Variants in EPHA5 observed in about 807,000 individuals in gnomAD.
The protein encoded by EPHA5 is ephrin type-A receptor 5.
A neutral mutation model predicts 105.0 loss-of-function variants in EPHA5; 60 were observed. That is an observed-to-expected ratio of 0.57 (90% CI 0.46 to 0.71). EPHA5 has a LOEUF of 0.71. Among genes scored for constraint, EPHA5 ranks in the 30% least tolerant of loss-of-function variants. The pLI is 0.00. For synonymous variants in EPHA5, 513 were observed against 449.1 expected, an observed-to-expected ratio of 1.14 and a Z score of -1.80; for missense variants, 1,218 against 1,274.7, an observed-to-expected ratio of 0.96 and a Z score of 0.68.
intron 5 of EPHA5, among the ~76,000 whole-genome samples, chr4:65,447,115 T>C (rs1726621117): frequency 6.6e-6 from 1 of 151,544 alleles, no homozygotes; most frequent in Admixed American, 6.6e-5. Flanking sequence ...GTCTCCCAAG[T>C]AGCTAGGATC....
chr4:65,666,088 C>T (rs923908547), intron 1 of EPHA5, among the ~76,000 whole-genome samples: 27 of 152,290 alleles, frequency 1.8e-4, no homozygotes, highest in South Asian at 1.2e-3. Flanking sequence ...AAGAAAAACC[C>T]TAAAACAAAC....
intron 8 of EPHA5, among the ~76,000 whole-genome samples, chr4:65,394,421 C>T (rs570364688): frequency 1.3e-5 from 2 of 152,150 alleles, no homozygotes; most frequent in Non-Finnish European, 2.9e-5. Context: ...TTGTATACAA[C>T]AGTTTATGTT....
chr4:65,437,453 C>T (rs377132545), intron 5 of EPHA5, among the ~76,000 whole-genome samples: 98 of 152,042 alleles, frequency 6.4e-4, no homozygotes, highest in African/African-American at 2.3e-3. Flanking sequence ...TTTTAGAATA[C>T]TTCACAAATA....
At chr4:65,489,572 A>C (rs1334593421) in intron 5 of EPHA5, among the ~76,000 whole-genome samples, 1 of 152,192 alleles carries the variant, frequency 6.6e-6, no homozygotes, top group Non-Finnish European at 1.5e-5. Context: ...TTGGTGGACA[A>C]AACATGCTAG....
chr4:65,425,984 G>A (rs886394564), intron 5 of EPHA5, among the ~76,000 whole-genome samples: 1 of 152,104 alleles, frequency 6.6e-6, no homozygotes, highest in Non-Finnish European at 1.5e-5. Flanking sequence ...TTCGTAAAAT[G>A]TATAACCGCG....
intron 15 of EPHA5, 136 bp downstream of exon 15, chr4:65,335,796 A>G (rs1392650509): frequency 2.4e-6 from 2 of 842,924 alleles, no homozygotes; most frequent in Admixed American, 6.7e-5. Flanking sequence ...GCATGCAAAA[A>G]CTATATCCAA....
At chr4:65,646,694 A>G (rs1168399795) in intron 1 of EPHA5, among the ~76,000 whole-genome samples, 1 of 152,204 alleles carries the variant, frequency 6.6e-6, no homozygotes, top group East Asian at 1.9e-4. Context: ...CTGTTCATCT[A>G]TCAATGTACC....
chr4:65,470,193 G>GTT (rs200526810), intron 5 of EPHA5, among the ~76,000 whole-genome samples: 8 of 143,560 alleles, frequency 5.6e-5, no homozygotes, highest in African/African-American at 1.0e-4. Context: ...TTCTTTCTTT[G>GTT]TTTTTTTTTT....
chr4:65,585,541 T>C lies in EPHA5; in HGVS notation c.910+16100A>G, dbSNP rs573655006. 5.0e-4 allele frequency among the ~76,000 whole-genome samples: 76 copies of C among 152,008 alleles called. 1 individual carries two copies. The highest frequency in any genetic ancestry group is 1.8e-3 in the African/African-American group (73 of 41,542). The stretch of plus-strand genomic sequence containing the variant: ...GAGTTGAAACAGGATCTGTTAACTT[T>C]ATTAGTAGAAAAGCTGAAATGGCAG... On this transcript the variant is annotated intron_variant, in intron 3 of 16. Coordinates refer to ENST00000613740, the MANE Select transcript of EPHA5 (RefSeq NM_001281766.3).
intron 6 of EPHA5, among the ~76,000 whole-genome samples, chr4:65,420,153 G>C (rs1183362779): frequency 3.3e-5 from 5 of 152,054 alleles, no homozygotes; most frequent in Non-Finnish European, 7.3e-5. Flanking sequence ...TTAAGTATTT[G>C]TAACACTTTC....
chr4:65,656,454 A>G (rs1390478680), intron 1 of EPHA5, among the ~76,000 whole-genome samples: 2 of 151,160 alleles, frequency 1.3e-5, no homozygotes, highest in Non-Finnish European at 3.0e-5. Context: ...TTCCATATGC[A>G]TATTTCCACA....
At chr4:65,497,714 T>G (rs1206111171) in intron 3 of EPHA5, among the ~76,000 whole-genome samples, 2 of 152,056 alleles carry the variant, frequency 1.3e-5, no homozygotes, top group Admixed American at 6.6e-5. Context: ...GAATGCCTCT[T>G]AACTTAAACA....
chr4:65,532,671 G>GTTTTT (rs5858965), intron 3 of EPHA5, among the ~76,000 whole-genome samples: 1 of 107,660 alleles, frequency 9.3e-6, no homozygotes, highest in Non-Finnish European at 1.9e-5. Context: ...ATTGGTTACA[G>GTTTTT]TTTTTTTTTT....
At chr4:65,521,565 A>G (rs1373876661) in intron 3 of EPHA5, among the ~76,000 whole-genome samples, 1 of 151,950 alleles carries the variant, frequency 6.6e-6, no homozygotes, top group African/African-American at 2.4e-5. Context: ...AAAAGTTTTT[A>G]TTTTATAATT....
intron 8 of EPHA5, among the ~76,000 whole-genome samples, chr4:65,389,884 C>T (rs747567816): frequency 1.9e-4 from 29 of 151,902 alleles, no homozygotes; most frequent in Admixed American, 7.9e-4. Flanking sequence ...CAGAGGTTTT[C>T]CCCAATTAAT....
intron 11 of EPHA5, among the ~76,000 whole-genome samples, chr4:65,358,592 T>C (rs1028038762): frequency 6.6e-6 from 1 of 151,552 alleles, no homozygotes; most frequent in Non-Finnish European, 1.5e-5. Flanking sequence ...GTAGTAGGAA[T>C]AGGTAATGCT....
chr4:65,468,641 T>C (rs1728983767), intron 5 of EPHA5, among the ~76,000 whole-genome samples: 1 of 104,094 alleles, frequency 9.6e-6, no homozygotes, highest in Admixed American at 1.5e-4. Flanking sequence ...ATATATAACA[T>C]ATATACATAT....
chr4:65,516,497 T>A (rs187014248), intron 3 of EPHA5, among the ~76,000 whole-genome samples: 2 of 152,012 alleles, frequency 1.3e-5, no homozygotes, highest in Non-Finnish European at 2.9e-5. Flanking sequence ...GCTCCAAGTA[T>A]AAATTTATCT....
At chr4:65,369,244 T>A (rs1718222679) in intron 8 of EPHA5, among the ~76,000 whole-genome samples, 1 of 152,324 alleles carries the variant, frequency 6.6e-6, no homozygotes, top group Non-Finnish European at 1.5e-5. Context: ...GGAGAGGGAA[T>A]GTGCTGAATG....
Sources: gnomAD v4.1 joint callset for allele counts (sites outside exome capture counted in the v4.1 genomes callset) on GRCh38, gnomAD v4.1.1 for gene constraint, MANE v1.5 for transcripts, NCBI Gene and HGNC (gene_info 2026-07-23, HGNC 2026-07-21) for gene names.